The following ROBO2 variants were observed in gnomAD, a reference collection of about 807,000 sequenced individuals.
The protein encoded by ROBO2 is roundabout guidance receptor 2.
Under a neutral mutation model 160.8 loss-of-function variants are expected in ROBO2, and 53 were observed. The observed-to-expected ratio is 0.33, with a 90% CI of 0.26 to 0.41. The LOEUF (loss-of-function observed/expected upper bound fraction) is 0.41, where lower values mean the gene tolerates loss of function less well. Ranked by LOEUF, ROBO2 falls within the 10% of genes least tolerant of loss-of-function variation. The pLI is 1.00. For synonymous variants in ROBO2, 664 were observed against 611.7 expected (o/e 1.09, Z -1.26); for missense variants, 1,577 against 1,722.4 (o/e 0.92, Z 1.49).
intron 2 of ROBO2, among the ~76,000 whole-genome samples, chr3:76,384,191 C>T (rs1198373691): frequency 6.6e-6 from 1 of 152,158 alleles, no homozygotes; most frequent in African/African-American, 2.4e-5. Flanking sequence ...AAGTGGTTTT[C>T]TTGTAATTAT....
chr3:75,917,729 C>G (rs1318939505), intron 1 of ROBO2, among the ~76,000 whole-genome samples: 1 of 152,164 alleles, frequency 6.6e-6, no homozygotes, highest in Non-Finnish European at 1.5e-5. Context: ...GATCACCATT[C>G]TAACTGGTGT....
chr3:77,537,376 C>G (rs1226042398), intron 6 of ROBO2, among the ~76,000 whole-genome samples: 1 of 152,024 alleles, frequency 6.6e-6, no homozygotes, highest in Non-Finnish European at 1.5e-5. Flanking sequence ...AGAGTAATAG[C>G]TGCATAATAG....
At chr3:76,494,082 C>T (rs1262522909) in intron 2 of ROBO2, among the ~76,000 whole-genome samples, 2 of 151,932 alleles carry the variant, frequency 1.3e-5, no homozygotes, top group Admixed American at 6.6e-5. Context: ...CTGATATGTA[C>T]GTGAATGTTC....
intron 1 of ROBO2, among the ~76,000 whole-genome samples, chr3:77,092,852 A>G (rs907373274): frequency 1.3e-5 from 2 of 150,920 alleles, no homozygotes; most frequent in African/African-American, 4.8e-5. Context: ...CTGTCAAACT[A>G]ATTTTCATTT....
At chr3:76,339,943 A>C (rs147103392) in intron 2 of ROBO2, among the ~76,000 whole-genome samples, 16 of 152,168 alleles carry the variant, frequency 1.1e-4, no homozygotes, top group African/African-American at 3.9e-4. Context: ...ATCTGGGGGA[A>C]TTTTTCAAAG....
chr3:75,930,997 C>T (rs907081584), intron 1 of ROBO2, among the ~76,000 whole-genome samples: 14 of 152,322 alleles, frequency 9.2e-5, no homozygotes, highest in Admixed American at 9.2e-4. Context: ...TTCCAACTCT[C>T]CCGCTTTTCT....
intron 2 of ROBO2, among the ~76,000 whole-genome samples, chr3:76,442,885 T>G (rs996320096): frequency 6.6e-6 from 1 of 152,202 alleles, no homozygotes; most frequent in African/African-American, 2.4e-5. Context: ...CTCTCCACTA[T>G]GCCTAATTTA....
At chr3:77,635,208 AC>A (rs2095243297) in intron 24 of ROBO2, among the ~76,000 whole-genome samples, 165 bp downstream of exon 25, 1 of 152,340 alleles carries the variant, frequency 6.6e-6, no homozygotes, top group South Asian at 2.1e-4. Context: ...ATTTTTAAAA[AC>A]AATCTAGAAT....
chr3:76,433,016 C>A (rs1028053728), intron 2 of ROBO2, among the ~76,000 whole-genome samples: 6 of 152,110 alleles, frequency 3.9e-5, no homozygotes, highest in African/African-American at 1.4e-4. Flanking sequence ...AAACTGTGAC[C>A]ACCATCTCAA....
intron 2 of ROBO2, among the ~76,000 whole-genome samples, chr3:77,405,681 A>C (rs1449137198): frequency 1.3e-5 from 2 of 152,030 alleles, no homozygotes; most frequent in African/African-American, 4.8e-5. Context: ...CCAACTCTTA[A>C]TGTTTATAAG....
At chr3:77,214,323 C>T (rs2084619996) in intron 2 of ROBO2, among the ~76,000 whole-genome samples, 1 of 152,096 alleles carries the variant, frequency 6.6e-6, no homozygotes, top group African/African-American at 2.4e-5. Flanking sequence ...GATCCCTTTC[C>T]CATTATGTAA....
chr3:76,619,076 C>T (rs1269239319), intron 2 of ROBO2, among the ~76,000 whole-genome samples: 1 of 151,798 alleles, frequency 6.6e-6, no homozygotes, highest in Non-Finnish European at 1.5e-5. Context: ...CGCGGTGGCT[C>T]ACGCCTGTAA....
At chr3:76,217,002 A>G (rs1358222860) in intron 2 of ROBO2, among the ~76,000 whole-genome samples, 1 of 152,106 alleles carries the variant, frequency 6.6e-6, no homozygotes, top group Non-Finnish European at 1.5e-5. Flanking sequence ...CAGGATTAAG[A>G]AACTCACTCA....
chr3:76,871,984 T>G (rs79224466), intron 2 of ROBO2, among the ~76,000 whole-genome samples: 1,822 of 152,328 alleles, frequency 0.012, 28 homozygotes, highest in African/African-American at 0.042. Context: ...ATTCTTTCTT[T>G]TTCATGAAAG....
At chr3:77,277,161 T>TTTCCTTCTTTCC (rs879535761) in intron 2 of ROBO2, among the ~76,000 whole-genome samples, 163 of 86,558 alleles carry the variant, frequency 1.9e-3, no homozygotes, top group African/African-American at 7.3e-3. Context: ...TCTTTCCTTC[T>TTTCCTTCTTTCC]TTCTTTCTTT....
At chr3:76,849,530 C>T (rs9863469) in intron 2 of ROBO2, among the ~76,000 whole-genome samples, 3,032 of 152,258 alleles carry the variant, frequency 0.02, 86 homozygotes, top group East Asian at 0.12. Flanking sequence ...ATGATTCCAA[C>T]ATAAGCTATC....
chr3:76,178,922 CAA>C (rs915853063), intron 2 of ROBO2, among the ~76,000 whole-genome samples: 6 of 152,028 alleles, frequency 3.9e-5, no homozygotes, highest in Admixed American at 3.9e-4. Flanking sequence ...GCCAGGGAAA[CAA>C]GAGCGAAACT....
At chr3:76,909,936 T>G (rs1195030493) in intron 2 of ROBO2, among the ~76,000 whole-genome samples, 3 of 152,220 alleles carry the variant, frequency 2.0e-5, no homozygotes, top group Non-Finnish European at 4.4e-5. Flanking sequence ...GTTCCAGATT[T>G]CCTTCTCAAG....
At chr3:76,829,497 A>G (rs1319512995) in intron 2 of ROBO2, among the ~76,000 whole-genome samples, 2 of 152,006 alleles carry the variant, frequency 1.3e-5, no homozygotes, top group African/African-American at 4.8e-5. Context: ...AGAAAGAAAG[A>G]AAATCCTCCC....
Sources: allele counts gnomAD v4.1 joint callset (sites outside exome capture counted in the v4.1 genomes callset), GRCh38; gene constraint gnomAD v4.1.1; transcripts MANE v1.5; gene names NCBI Gene and HGNC (gene_info 2026-07-23, HGNC 2026-07-21).